The following THSD7A variants were observed in gnomAD, a reference collection of about 807,000 sequenced individuals.
THSD7A encodes thrombospondin type-1 domain-containing protein 7A.
A neutral mutation model predicts 231.3 loss-of-function variants in THSD7A; 96 were observed. That is an observed-to-expected ratio of 0.41 (90% CI 0.35 to 0.49). The LOEUF is 0.49. Among genes scored for constraint, THSD7A ranks in the 20% least tolerant of loss-of-function variants. The pLI is 0.05. For missense variants in THSD7A, 2,290 were observed against 2,070.2 expected (o/e 1.11, Z -2.06); for synonymous variants, 940 against 743.3 (o/e 1.26, Z -4.30).
At chr7:11,452,628 G>A (rs937441326) in intron 11 of THSD7A, among the ~76,000 whole-genome samples, 2 of 151,944 alleles carry the variant, frequency 1.3e-5, no homozygotes, top group African/African-American at 4.8e-5. Flanking sequence ...ATCCCCAGTT[G>A]GGATCTGGGA....
At chr7:11,736,485 A>T (rs1183615581) in intron 1 of THSD7A, among the ~76,000 whole-genome samples, 2 of 140,920 alleles carry the variant, frequency 1.4e-5, no homozygotes, top group Non-Finnish European at 3.0e-5. Context: ...GTGTGTGTGT[A>T]AAATAAATAA....
intron 22 of THSD7A, among the ~76,000 whole-genome samples, chr7:11,402,922 A>ACAAGT (rs1206049321): frequency 2.0e-5 from 3 of 152,212 alleles, no homozygotes; most frequent in Non-Finnish European, 4.4e-5. Context: ...ACATTTCAGT[A>ACAAGT]CAAGTCTTTT....
intron 1 of THSD7A, among the ~76,000 whole-genome samples, chr7:11,653,601 C>A (rs1252133647): frequency 6.6e-6 from 1 of 151,700 alleles, no homozygotes; most frequent in Non-Finnish European, 1.5e-5. Context: ...TAAGCTCAAT[C>A]AATCCTGCCT....
chr7:11,374,848 A>T lies in THSD7A; in HGVS notation c.*946T>A, dbSNP rs1181952132. ...GCTGATTTCATCTTGCTGCCATCCAAACTGAACTTTACTCTCTTCAGGATA... is the reference window on the plus strand; with the variant it reads ...GCTGATTTCATCTTGCTGCCATCCATACTGAACTTTACTCTCTTCAGGATA... On this transcript the variant is annotated 3_prime_UTR_variant, in exon 28 of 28. Transcript: ENST00000423059. The T allele has an allele frequency of 6.6e-6, 1 of 151,952 alleles. No homozygotes were observed. The highest frequency in any genetic ancestry group is 1.5e-5 in the Non-Finnish European group (1 of 67,962). The allele number at this position is 151,952 out of a possible 1,614,324, so 9.4% of individuals were successfully genotyped here.
At chr7:11,546,195 G>GGCGTGTGTGTGTGCGCGCGCGCGC (rs752700561) in intron 4 of THSD7A, among the ~76,000 whole-genome samples, 3 of 78,698 alleles carry the variant, frequency 3.8e-5, no homozygotes, top group African/African-American at 1.5e-4. Context: ...TGCTGGTGTG[G>GGCGTGTGTGTGTGCGCGCGCGCGC]GCGCGCGCTC....
At chr7:11,661,012 A>T (rs894591176) in intron 1 of THSD7A, among the ~76,000 whole-genome samples, 2 of 151,422 alleles carry the variant, frequency 1.3e-5, no homozygotes, top group African/African-American at 4.8e-5. Context: ...CCCAATTATT[A>T]AACTATGGCC....
Position 11,590,776 on chromosome 7 carries a change from T to C in THSD7A, c.1272-135A>G. 10 of 1,036,882 alleles carry C rather than the reference T, an allele frequency of 9.6e-6. No homozygotes were observed. The highest frequency in any genetic ancestry group is 6.3e-5 in the Admixed American group (2 of 31,952). The allele number at this position is 1,036,882 out of a possible 1,614,324, so 64.2% of individuals were successfully genotyped here. A position where few individuals can be genotyped will look rare whatever the true frequency, so the allele number is the denominator to read the frequency against. On this transcript the variant is annotated intron_variant, in intron 3 of 27. Transcript: ENST00000423059. The surrounding 1 kb of genome is among the most constrained non-coding windows in gnomAD (Gnocchi z 4.4). ...GAGAATCCATCGTAGACTACATCTA[T>C]GGTGCATATTTGGTTTCAACTCCTT...
At chr7:11,380,335 A>C (rs546227332) in intron 24 of THSD7A, among the ~76,000 whole-genome samples, 1 of 152,290 alleles carries the variant, frequency 6.6e-6, no homozygotes, top group African/African-American at 2.4e-5. Flanking sequence ...ACTGTGCCTA[A>C]TTTGTCTCAA....
intron 16 of THSD7A, among the ~76,000 whole-genome samples, chr7:11,420,260 C>G (rs570705616): frequency 6.6e-6 from 1 of 152,206 alleles, no homozygotes; most frequent in Non-Finnish European, 1.5e-5. Flanking sequence ...CCATCACAAG[C>G]CCAGAGGCCT....
intron 1 of THSD7A, among the ~76,000 whole-genome samples, chr7:11,803,470 G>GA (rs1418038795): frequency 6.6e-6 from 1 of 152,106 alleles, no homozygotes; most frequent in African/African-American, 2.4e-5. Context: ...ACAATTAGTA[G>GA]AAGGAGAGTT....
chr7:11,797,302 C>CTAAT (rs1345833564), intron 1 of THSD7A, among the ~76,000 whole-genome samples: 1 of 151,760 alleles, frequency 6.6e-6, no homozygotes. Flanking sequence ...TTATGACAAT[C>CTAAT]TAATTTCCAC....
chr7:11,387,890 C>G lies in THSD7A; in HGVS notation c.4412-5274G>C, dbSNP rs1310143030. Among the ~76,000 whole-genome samples the G allele has an allele frequency of 2.0e-5, 3 of 152,166 alleles. No individual in the cohort carries two copies. The East Asian group carries it at 5.8e-4, about 29-fold the overall frequency. On this transcript the variant is annotated intron_variant, in intron 23 of 27. Coordinates refer to ENST00000423059, the MANE Select transcript of THSD7A (RefSeq NM_015204.3). ...TATTTTGAGATATGTTTCATCAATA[C>G]CTAGATTATTGAGAATTTTTAGCAT...
Position 11,444,442 on chromosome 7 carries a change from C to A in THSD7A, c.3064+1619G>T, listed in dbSNP as rs1044468120. 1.3e-4 allele frequency among the ~76,000 whole-genome samples: 19 copies of A among 151,896 alleles called. No individual in the cohort carries two copies. Among genetic ancestry groups the A allele is most frequent in the Non-Finnish European group, 2.6e-4 (18 of 67,938 alleles). On this transcript the variant is annotated intron_variant, in intron 13 of 27. Coordinates refer to ENST00000423059, the MANE Select transcript of THSD7A (RefSeq NM_015204.3). The surrounding 1 kb of genome is among the most constrained non-coding windows in gnomAD (Gnocchi z 4.2). ...TATACTGGATAAAGAAAATGTGGCA[C>A]ATATACATCATAAAATGGATGAAGC... is the stretch of plus-strand genomic sequence containing the variant.
chr7:11,479,437 C>A (rs957546988), intron 7 of THSD7A, among the ~76,000 whole-genome samples: 1 of 152,246 alleles, frequency 6.6e-6, no homozygotes, highest in East Asian at 1.9e-4. Flanking sequence ...TGGCACTTTC[C>A]TTTAAAGTTA....
chr7:11,664,700 C>T (rs1338442897), intron 1 of THSD7A, among the ~76,000 whole-genome samples: 1 of 151,900 alleles, frequency 6.6e-6, no homozygotes, highest in Non-Finnish European at 1.5e-5. Flanking sequence ...AAAAGAGTAG[C>T]AGAACAGATT....
chr7:11,796,821 A>T (rs1784138818), intron 1 of THSD7A, among the ~76,000 whole-genome samples: 3 of 152,068 alleles, frequency 2.0e-5, no homozygotes, highest in Non-Finnish European at 2.9e-5. Flanking sequence ...TCATTTTTCT[A>T]TACTATGTTA....
chr7:11,525,733 T>C (rs1788445136), intron 6 of THSD7A, among the ~76,000 whole-genome samples: 1 of 152,154 alleles, frequency 6.6e-6, no homozygotes, highest in African/African-American at 2.4e-5. Flanking sequence ...AAAGAAAAAG[T>C]GTACAATATG....
chr7:11,480,086 A>C (rs1255056532), intron 7 of THSD7A, among the ~76,000 whole-genome samples: 1 of 152,204 alleles, frequency 6.6e-6, no homozygotes, highest in Non-Finnish European at 1.5e-5. Context: ...GTTTTGAATT[A>C]ATGCCCTTAT....
At chr7:11,412,563 C>A (rs944321920) in intron 18 of THSD7A, 93 bp downstream of exon 18, 1 of 1,430,506 alleles carries the variant, frequency 7.0e-7, no homozygotes, top group South Asian at 1.4e-5. Context: ...AAAAGGCACA[C>A]AGGTAGAGAT....
Sources: allele counts gnomAD v4.1 joint callset (sites outside exome capture counted in the v4.1 genomes callset), GRCh38; gene constraint gnomAD v4.1.1; non-coding constraint Gnocchi (gnomAD v3.1); transcripts MANE v1.5; gene names NCBI Gene and HGNC (gene_info 2026-07-23, HGNC 2026-07-21).